The following ZNF334 variants were observed in gnomAD, a reference collection of about 807,000 sequenced individuals.
ZNF334 encodes the protein zinc finger protein 334.
A neutral mutation model predicts 12.4 loss-of-function variants in ZNF334; 14 were observed. That is an observed-to-expected ratio of 1.13 (90% confidence interval 0.74 to 1.76). The LOEUF is 1.76. ZNF334 is among the 40% of genes most tolerant of loss of function. The pLI is 0.00. For synonymous variants in ZNF334, 273 were observed against 269.6 expected (o/e 1.01, Z -0.12); for missense variants, 797 against 804.5 (o/e 0.99, Z 0.11).
the ZNF334 span, among the ~76,000 whole-genome samples, chr20:46,467,145 AC>A: frequency 6.6e-6 from 1 of 152,192 alleles, no homozygotes; most frequent in Admixed American, 6.5e-5. Flanking sequence ...GATGTTAGGT[AC>A]CCATTAAAAA....
At chr20:46,496,192 C>T (rs746267603), downstream of ZNF334, among the ~76,000 whole-genome samples, 14 of 152,292 alleles carry the variant, frequency 9.2e-5, no homozygotes, top group African/African-American at 3.1e-4. Flanking sequence ...TTTCATTATA[C>T]GGTCTCCATG....
the ZNF334 span, among the ~76,000 whole-genome samples, chr20:46,483,011 T>C: frequency 3.9e-5 from 6 of 152,200 alleles, no homozygotes; most frequent in African/African-American, 1.4e-4. Context: ...CATGCACCTT[T>C]AACCATGTGA....
downstream of ZNF334, among the ~76,000 whole-genome samples, chr20:46,495,396 G>A (rs923359843): frequency 1.3e-5 from 2 of 150,352 alleles, no homozygotes; most frequent in African/African-American, 4.9e-5. Flanking sequence ...GACTTCATAA[G>A]AGGGGACACA....
chr20:46,464,407 G>T, the ZNF334 span: 1 of 501,232 alleles, frequency 2.0e-6, no homozygotes, highest in Admixed American at 2.2e-5. Context: ...AGTAGGCGTG[G>T]CTGCAGCTGG....
the ZNF334 span, among the ~76,000 whole-genome samples, chr20:46,489,708 T>C: frequency 6.6e-6 from 1 of 152,044 alleles, no homozygotes; most frequent in Admixed American, 6.6e-5. Context: ...TGTTCCCACT[T>C]TGTCCCTTTT....
intron 2 of ZNF334, 129 bp downstream of exon 2, chr20:46,511,953 A>C: frequency 1.1e-6 from 1 of 872,480 alleles, no homozygotes; most frequent in Non-Finnish European, 1.9e-6. Flanking sequence ...ATCTATGTCC[A>C]CTTTTCCAGT....
rs898285552 is a variant in ZNF334, at chr20:46,499,796, C to T, written c.*1500G>A. On this transcript the variant is annotated 3_prime_UTR_variant, in exon 5 of 5. Coordinates refer to ENST00000692313, the MANE Select transcript of ZNF334 (RefSeq NM_001353824.2). ...ACATTTAAACATATGTATATACTTA[C>T]ATATATTAACACATGTATATGTGTG... 6.6e-6 allele frequency: 1 copy of T among 152,132 alleles called. No homozygotes were observed. The highest frequency in any genetic ancestry group is 1.5e-5 in the Non-Finnish European group (1 of 68,028). The allele number at this position is 152,132 out of a possible 1,614,324, so 9.4% of individuals were successfully genotyped here.
At chr20:46,495,072 ATTGT>A (rs1034773992), downstream of ZNF334, among the ~76,000 whole-genome samples, 5 of 152,180 alleles carry the variant, frequency 3.3e-5, no homozygotes, top group African/African-American at 9.6e-5. Context: ...TAACAGTTCT[ATTGT>A]TTAAGCAAAA....
At chr20:46,464,431 G>C in the ZNF334 span, 1 of 511,968 alleles carries the variant, frequency 2.0e-6, no homozygotes. Flanking sequence ...GGATCCCAAA[G>C]CCACGCTCAC....
chr20:46,472,309 A>G, the ZNF334 span, among the ~76,000 whole-genome samples: 9 of 152,340 alleles, frequency 5.9e-5, no homozygotes, highest in South Asian at 1.9e-3. Flanking sequence ...CTCCCCTTAT[A>G]AAGTTCCCCA....
rs776606344 is a variant in ZNF334, at chr20:46,502,535, A to G, written c.804T>C (p.Ser268=). ...TCACACGAAAAGTTTTCCTACAATCACTACAAACATACGGTTTCTCCCCTG... is the reference window on the plus strand; with the variant it reads ...TCACACGAAAAGTTTTCCTACAATCGCTACAAACATACGGTTTCTCCCCTG... ...IHTGEKPYVC[S]DCRKTFRVKT... Residue 268 remains serine (S), a synonymous_variant, in exon 5 of 5, where the codon AGT becomes AGC. Transcript: ENST00000692313. 5 of 1,613,378 alleles carry G rather than the reference A, an allele frequency of 3.1e-6. No individual in the cohort carries two copies. The highest frequency in any genetic ancestry group is 2.7e-5 in the African/African-American group (2 of 74,958).
chr20:46,506,938 C>A (rs2061454097), intron 2 of ZNF334, among the ~76,000 whole-genome samples: 1 of 148,766 alleles, frequency 6.7e-6, no homozygotes, highest in Non-Finnish European at 1.5e-5. Flanking sequence ...ATAGTGAGAC[C>A]CCATCTCTCA....
chr20:46,483,934 C>G, the ZNF334 span, among the ~76,000 whole-genome samples: 1 of 152,152 alleles, frequency 6.6e-6, no homozygotes, highest in Non-Finnish European at 1.5e-5. Context: ...GGAGACCTGA[C>G]ATGGTTCTAG....
At chr20:46,479,820 A>G in the ZNF334 span, among the ~76,000 whole-genome samples, 1 of 152,184 alleles carries the variant, frequency 6.6e-6, no homozygotes, top group Non-Finnish European at 1.5e-5. Context: ...CTTCATCTAC[A>G]TAATAAGAAC....
At chr20:46,490,593 T>C in the ZNF334 span, among the ~76,000 whole-genome samples, 160 of 152,338 alleles carry the variant, frequency 1.1e-3, no homozygotes, top group African/African-American at 3.4e-3. Flanking sequence ...ACAAGTATAA[T>C]TATTTCAAGT....
At position 46,502,272 on chromosome 20, in the gene ZNF334, T is replaced by A; in HGVS notation, c.1067A>T (p.Asn356Ile). 6.2e-7 allele frequency: 1 copy of A among 1,614,134 alleles called. No homozygotes were observed. The highest frequency in any genetic ancestry group is 2.2e-5 in the East Asian group (1 of 44,870). The change falls in exon 5 of 5, where the codon AAT becomes ATT. Residue 356 changes from asparagine to isoleucine, a missense_variant. By Grantham distance (149) the Asn-to-Ile change is moderately radical. Coordinates refer to ENST00000692313, the MANE Select transcript of ZNF334 (RefSeq NM_001353824.2). Reference sequence around the variant, plus strand: ...AAGATACGATTTCTTGCTGAAGGCATTTCCACATTCCTTGCATTCGTAAGG... The same window carrying A: ...AAGATACGATTTCTTGCTGAAGGCAATTCCACATTCCTTGCATTCGTAAGG... ...EKPYECKECG[N>I]AFSKKSYLVV...
the ZNF334 span, among the ~76,000 whole-genome samples, chr20:46,480,240 C>T: frequency 1.3e-5 from 2 of 152,070 alleles, no homozygotes; most frequent in African/African-American, 2.4e-5. Flanking sequence ...GTCACATACT[C>T]ACAGGTTCTG....
intron 4 of ZNF334, 97 bp downstream of exon 4, chr20:46,504,117 A>G: frequency 1.2e-6 from 1 of 804,158 alleles, no homozygotes. Flanking sequence ...CAACAAAAAG[A>G]AATTCATGAA....
At chr20:46,482,593 T>A in the ZNF334 span, among the ~76,000 whole-genome samples, 1 of 152,220 alleles carries the variant, frequency 6.6e-6, no homozygotes, top group Non-Finnish European at 1.5e-5. Context: ...ACCTTTTTAA[T>A]CATTAACCCT....
Sources: gnomAD v4.1 joint callset for allele counts (sites outside exome capture counted in the v4.1 genomes callset) on GRCh38, gnomAD v4.1.1 for gene constraint, MANE v1.5 for transcripts, NCBI Gene and HGNC (gene_info 2026-07-23, HGNC 2026-07-21) for gene names.